The following SLC39A14 variants were observed in gnomAD, a reference collection of about 807,000 sequenced individuals.
The protein encoded by SLC39A14 is metal cation symporter ZIP14.
Under a neutral mutation model 45.5 loss-of-function variants are expected in SLC39A14, and 19 were observed. The observed-to-expected ratio is 0.42, with a 90% confidence interval of 0.29 to 0.61. The LOEUF is 0.61. Ranked by LOEUF, SLC39A14 falls within the 20% of genes least tolerant of loss-of-function variation. The pLI, the probability that SLC39A14 is intolerant of heterozygous loss-of-function variation, is 0.22. For missense variants in SLC39A14, 447 were observed against 616.5 expected, an observed-to-expected ratio of 0.73 and a Z score of 2.91; for synonymous variants, 264 against 251.3, an observed-to-expected ratio of 1.05 and a Z score of -0.48.
chr8:22,410,556 G>A (rs1022546547), intron 3 of SLC39A14, among the ~76,000 whole-genome samples: 3 of 152,220 alleles, frequency 2.0e-5, no homozygotes, highest in African/African-American at 7.2e-5. Flanking sequence ...CAAGTGATAT[G>A]TAGAATTGGC....
chr8:22,385,826 C>T (rs747189129), intron 1 of SLC39A14, among the ~76,000 whole-genome samples: 17 of 151,804 alleles, frequency 1.1e-4, no homozygotes, highest in South Asian at 2.1e-4. Flanking sequence ...GCAAGACCCC[C>T]GTCTTGAAAA....
chr8:22,375,548 C>G lies in SLC39A14; in HGVS notation c.-16+8140C>G, dbSNP rs184896429. Among the ~76,000 whole-genome samples, 668 of 151,898 alleles carry G rather than the reference C, an allele frequency of 4.4e-3. 7 individuals carry two copies. Among genetic ancestry groups the G allele is most frequent in the African/African-American group, 0.016 (643 of 41,380 alleles). ...TTGCCCAGGCTGGAGTGCAGTGGCA[C>G]AATCTCGGCTCACTGCAACCTCCGC... On this transcript the variant is annotated intron_variant, in intron 1 of 8. Transcript: ENST00000381237.
In SLC39A14 at chr8:22,421,383, TTTAAG is replaced by T; in HGVS notation, c.*1688_*1692del. The stretch of plus-strand genomic sequence containing the variant: ...AGGAAAAACTGCTGGTGATACTTTT[TTTAAG>T]TTTTGTTTTTATCTTGCCTGTTGGC... On this transcript the variant is annotated 3_prime_UTR_variant, in exon 9 of 9. Coordinates refer to ENST00000381237, the MANE Select transcript of SLC39A14 (RefSeq NM_001128431.4). 6.1e-6 allele frequency: 6 copies of T among 985,900 alleles called. No individual in the cohort carries two copies. The highest frequency in any genetic ancestry group is 7.2e-6 in the Non-Finnish European group (6 of 829,942). The allele number at this position is 985,900 out of a possible 1,614,324, so 61.1% of individuals were successfully genotyped here. A position where few individuals can be genotyped will look rare whatever the true frequency, so the allele number is the denominator to read the frequency against.
intron 1 of SLC39A14, chr8:22,393,123 C>T: frequency 1.2e-6 from 1 of 824,388 alleles, no homozygotes; most frequent in Non-Finnish European, 1.5e-6. Flanking sequence ...GCTGGCCGCC[C>T]TCCTGCACTG....
intron 1 of SLC39A14, among the ~76,000 whole-genome samples, chr8:22,394,589 G>T (rs775417890): frequency 6.6e-6 from 1 of 152,148 alleles, no homozygotes; most frequent in Non-Finnish European, 1.5e-5. Context: ...AAAGTGCTGG[G>T]ATTGCAGGCG....
At chr8:22,393,734 C>T (rs1175466874) in intron 1 of SLC39A14, among the ~76,000 whole-genome samples, 1 of 151,804 alleles carries the variant, frequency 6.6e-6, no homozygotes, top group Non-Finnish European at 1.5e-5. Context: ...TGCGGTGGCA[C>T]AGTCATAGCT....
At chr8:22,380,192 T>TCCC (rs1467840377) in intron 1 of SLC39A14, among the ~76,000 whole-genome samples, 2 of 152,098 alleles carry the variant, frequency 1.3e-5, no homozygotes, top group African/African-American at 4.8e-5. Flanking sequence ...TTGGAACCAA[T>TCCC]CCCCTGCTGA....
In SLC39A14 at chr8:22,367,317, C is replaced by G. The variant is rs1302787221; in HGVS notation, c.-107C>G. The stretch of plus-strand genomic sequence containing the variant: ...AGGGGGGTCGGCGCGCGTGTCTACG[C>G]GGACGCACCGGCTAAGCTGCTTCTG... On this transcript the variant is annotated 5_prime_UTR_variant, in exon 1 of 9. Coordinates refer to ENST00000381237, the MANE Select transcript of SLC39A14 (RefSeq NM_001128431.4). The surrounding 1 kb of genome is among the most constrained non-coding windows in gnomAD (Gnocchi z 4.2). 1 of 151,756 alleles carries G rather than the reference C, an allele frequency of 6.6e-6. No homozygotes were observed. Among genetic ancestry groups the G allele is most frequent in the African/African-American group, 2.4e-5 (1 of 41,398 alleles). The allele number at this position is 151,756 out of a possible 1,614,324, so 9.4% of individuals were successfully genotyped here.
At chr8:22,429,096 C>T (rs1162371525) in intron 8 of SLC39A14, among the ~76,000 whole-genome samples, 15 of 151,972 alleles carry the variant, frequency 9.9e-5, no homozygotes, top group Admixed American at 7.9e-4. Flanking sequence ...CACGGTGAAA[C>T]CCCGTCTCTA....
intron 3 of SLC39A14, among the ~76,000 whole-genome samples, chr8:22,411,599 T>C (rs1835571421): frequency 6.6e-6 from 1 of 152,182 alleles, no homozygotes. Flanking sequence ...CCTGCTTGCA[T>C]GTCCTATAAA....
chr8:22,391,235 T>G (rs527420637), intron 1 of SLC39A14, among the ~76,000 whole-genome samples: 3 of 152,198 alleles, frequency 2.0e-5, no homozygotes, highest in Non-Finnish European at 4.4e-5. Context: ...CAGGTTAGGT[T>G]CCTTGTTGAA....
chr8:22,412,898 A>G (rs771114843), intron 4 of SLC39A14, among the ~76,000 whole-genome samples: 12 of 152,200 alleles, frequency 7.9e-5, no homozygotes, highest in Non-Finnish European at 1.3e-4. Context: ...AGATTGCACC[A>G]CTGCACTCCA....
chr8:22,405,185 AC>A (rs1563565203), intron 2 of SLC39A14, among the ~76,000 whole-genome samples: 3 of 152,144 alleles, frequency 2.0e-5, no homozygotes, highest in Admixed American at 6.5e-5. Flanking sequence ...GCACCTTCTG[AC>A]CCCCTGCATA....
chr8:22,383,741 G>A (rs1029692929), intron 1 of SLC39A14, among the ~76,000 whole-genome samples: 2 of 152,152 alleles, frequency 1.3e-5, no homozygotes, highest in Admixed American at 6.5e-5. Context: ...TGCTCACTGA[G>A]GGCGCGTCCT....
At chr8:22,425,879 G>C (rs927697221), downstream of SLC39A14, among the ~76,000 whole-genome samples, 2 of 111,922 alleles carry the variant, frequency 1.8e-5, no homozygotes, top group Non-Finnish European at 4.0e-5. Context: ...CTAGGCTCTA[G>C]ATGGTTTTTG....
At chr8:22,395,153 G>A (rs1291420480) in intron 1 of SLC39A14, among the ~76,000 whole-genome samples, 1 of 151,988 alleles carries the variant, frequency 6.6e-6, no homozygotes, top group Non-Finnish European at 1.5e-5. Context: ...GAGACTACAG[G>A]TGTGCGCCAC....
At chr8:22,433,906 G>A (rs1333201682) in exon 9 of SLC39A14, 1 of 401,214 alleles carries the variant, frequency 2.5e-6, no homozygotes, top group South Asian at 1.8e-5. Flanking sequence ...GTTTTGCTCT[G>A]TTGCCCAGGC....
At chr8:22,406,795 C>G (rs956928837) in intron 2 of SLC39A14, among the ~76,000 whole-genome samples, 6 of 152,168 alleles carry the variant, frequency 3.9e-5, no homozygotes, top group African/African-American at 1.4e-4. Context: ...CCCGTGCCCC[C>G]GCGGGGTAAT....
Position 22,374,018 on chromosome 8 carries a change from G to A in SLC39A14, c.-16+6610G>A, listed in dbSNP as rs561335129. 3.3e-5 allele frequency among the ~76,000 whole-genome samples: 5 copies of A among 149,376 alleles called. No homozygotes were observed. The South Asian group carries it at 8.3e-4, about 25-fold the overall frequency. ...AGTGATCCACCGGTCTTGGCCTCCC[G>A]AAGTGCTGGGACTGAAGTGCTGGGA... On this transcript the variant is annotated intron_variant, in intron 1 of 8. Coordinates refer to ENST00000381237, the MANE Select transcript of SLC39A14 (RefSeq NM_001128431.4).
Sources: gnomAD v4.1 joint callset for allele counts (sites outside exome capture counted in the v4.1 genomes callset) on GRCh38, gnomAD v4.1.1 for gene constraint, Gnocchi (gnomAD v3.1) non-coding constraint, MANE v1.5 for transcripts, NCBI Gene and HGNC (gene_info 2026-07-23, HGNC 2026-07-21) for gene names.